Variants in C3orf70 observed in about 807,000 individuals in gnomAD.
The protein encoded by C3orf70 is chromosome 3 open reading frame 70, also known as UPF0524 protein C3orf70.
A neutral mutation model predicts 20.7 loss-of-function variants in C3orf70; 15 were observed. That is an observed-to-expected ratio of 0.72 (90% CI 0.48 to 1.11). C3orf70 has a LOEUF of 1.11. C3orf70 is among the 50% of genes most tolerant of loss of function. The pLI is 0.00. For synonymous variants in C3orf70, 161 were observed against 125.7 expected, an observed-to-expected ratio of 1.28 and a Z score of -1.88; for missense variants, 332 against 317.6, an observed-to-expected ratio of 1.05 and a Z score of -0.34.
chr3:185,107,232 T>C lies in C3orf70; in HGVS notation c.197-23669A>G, dbSNP rs550172947. Among the ~76,000 whole-genome samples the C allele has an allele frequency of 2.0e-5, 3 of 152,318 alleles. No homozygotes were observed. In the South Asian group the frequency reaches 6.2e-4, roughly 32 times the overall value. ...TGGAGTTGGTAAAGCCCCTGAAGTA[T>C]ATCAAAGTAGTTATATCTTGCATTG... On this transcript the variant is annotated intron_variant, in intron 1 of 1. Coordinates refer to ENST00000335012, the MANE Select transcript of C3orf70 (RefSeq NM_001025266.3).
intron 1 of C3orf70, among the ~76,000 whole-genome samples, chr3:185,087,913 A>ATTTTTT (rs10714484): frequency 7.4e-6 from 1 of 134,490 alleles, no homozygotes; most frequent in Non-Finnish European, 1.6e-5. Flanking sequence ...AGTTTTATAC[A>ATTTTTT]TTTTTTTTTT....
chr3:185,152,260 CAACT>C (rs1717001561), intron 1 of C3orf70, among the ~76,000 whole-genome samples: 1 of 152,204 alleles, frequency 6.6e-6, no homozygotes. Flanking sequence ...CAGCTGTCGC[CAACT>C]CAGCTGGCTC....
At chr3:185,126,772 A>G (rs1004305785) in intron 1 of C3orf70, among the ~76,000 whole-genome samples, 4 of 152,194 alleles carry the variant, frequency 2.6e-5, no homozygotes, top group South Asian at 2.1e-4. Context: ...AAACTTACAG[A>G]GCACATGGCC....
chr3:185,126,668 T>C (rs1299442830), intron 1 of C3orf70, among the ~76,000 whole-genome samples: 1 of 152,234 alleles, frequency 6.6e-6, no homozygotes, highest in East Asian at 1.9e-4. Flanking sequence ...TGACATGGGT[T>C]TCTTTGCTTT....
At chr3:185,104,640 C>T (rs764219352) in intron 1 of C3orf70, among the ~76,000 whole-genome samples, 10 of 151,842 alleles carry the variant, frequency 6.6e-5, no homozygotes, top group Non-Finnish European at 1.5e-4. Context: ...GAAAACTATG[C>T]AGCCATAAAA....
chr3:185,119,468 T>C (rs1289357387), intron 1 of C3orf70, among the ~76,000 whole-genome samples: 1 of 151,892 alleles, frequency 6.6e-6, no homozygotes, highest in African/African-American at 2.4e-5. Flanking sequence ...CTGGCCAACA[T>C]GGTGAAACCC....
intron 1 of C3orf70, among the ~76,000 whole-genome samples, chr3:185,151,729 GCACT>G (rs1201681471): frequency 2.6e-5 from 4 of 151,956 alleles, no homozygotes; most frequent in Non-Finnish European, 5.9e-5. Flanking sequence ...TCCTAAATAA[GCACT>G]CCAAAACCCT....
intron 1 of C3orf70, among the ~76,000 whole-genome samples, chr3:185,152,303 C>A (rs1233890571): frequency 6.6e-6 from 1 of 152,184 alleles, no homozygotes; most frequent in East Asian, 1.9e-4. Context: ...ACCGCCTGGA[C>A]GCCTTGGTCA....
intron 1 of C3orf70, among the ~76,000 whole-genome samples, chr3:185,120,141 G>C (rs963184620): frequency 6.6e-6 from 1 of 152,030 alleles, no homozygotes; most frequent in African/African-American, 2.4e-5. Flanking sequence ...ATGGGTAAAG[G>C]GTAACTTCGC....
chr3:185,097,407 T>C (rs1715731179), intron 1 of C3orf70, among the ~76,000 whole-genome samples: 1 of 152,170 alleles, frequency 6.6e-6, no homozygotes, highest in African/African-American at 2.4e-5. Flanking sequence ...ATATCAAAAA[T>C]AACTAAGTGA....
chr3:185,152,862 G>A lies in C3orf70; in HGVS notation c.-39C>T, dbSNP rs778679514. 22 of 1,468,778 alleles carry A rather than the reference G, an allele frequency of 1.5e-5. No homozygotes were observed. The East Asian group carries it at 3.7e-4, about 25-fold the overall frequency. 91.0% of individuals were successfully genotyped at this position (1,468,778 alleles called of 1,614,324 possible). ...GCGCGGAGCCGACACCGGGAGCCCG[G>A]GAGAAGCGACGTCTGGGTGGGCAGG... On this transcript the variant is annotated 5_prime_UTR_variant, in exon 1 of 2. Coordinates refer to ENST00000335012, the MANE Select transcript of C3orf70 (RefSeq NM_001025266.3).
At chr3:185,101,125 T>G (rs1359617732) in intron 1 of C3orf70, among the ~76,000 whole-genome samples, 1 of 152,228 alleles carries the variant, frequency 6.6e-6, no homozygotes, top group South Asian at 2.1e-4. Context: ...CTGGTACCAT[T>G]CCTACTGAAA....
chr3:185,111,875 T>C (rs1055570171), intron 1 of C3orf70, among the ~76,000 whole-genome samples: 5 of 152,220 alleles, frequency 3.3e-5, no homozygotes, highest in Non-Finnish European at 7.3e-5. Flanking sequence ...ATTATATTAT[T>C]TGCCTGACAA....
chr3:185,095,283 T>C (rs950768417), intron 1 of C3orf70, among the ~76,000 whole-genome samples: 34 of 152,274 alleles, frequency 2.2e-4, no homozygotes, highest in African/African-American at 7.7e-4. Context: ...AAAAAATCCA[T>C]TTTGAGAACA....
Position 185,152,693 on chromosome 3 carries a change from CAGAT to C in C3orf70, c.127_130del (p.Ile43ValfsTer18), listed in dbSNP as rs904165342. 6.3e-7 allele frequency: 1 copy of C among 1,594,204 alleles called. No homozygotes were observed. Among genetic ancestry groups the C allele is most frequent in the Non-Finnish European group, 8.5e-7 (1 of 1,170,722 alleles). ...GCACTTGCCATGGCTGTGCGTGGCA[CAGAT>C]AGACAGCCCGTCGCACGGCTGGAAG... On this transcript the variant is annotated frameshift_variant, in exon 1 of 2. Coordinates refer to ENST00000335012, the MANE Select transcript of C3orf70 (RefSeq NM_001025266.3). LOFTEE classifies it high-confidence loss of function.
intron 1 of C3orf70, among the ~76,000 whole-genome samples, chr3:185,096,456 G>A (rs1448466709): frequency 6.6e-6 from 1 of 152,156 alleles, no homozygotes; most frequent in African/African-American, 2.4e-5. Flanking sequence ...GAGAAAAAAG[G>A]GGTCCAGAGT....
At chr3:185,116,236 T>G (rs1026623403) in intron 1 of C3orf70, among the ~76,000 whole-genome samples, 2 of 152,214 alleles carry the variant, frequency 1.3e-5, no homozygotes, top group African/African-American at 4.8e-5. Context: ...AGAATGCTAT[T>G]TATTGGTACC....
intron 1 of C3orf70, among the ~76,000 whole-genome samples, chr3:185,100,764 A>G (rs549892049): frequency 2.9e-5 from 4 of 136,186 alleles, no homozygotes; most frequent in Non-Finnish European, 4.5e-5. Context: ...TGGTTTTTTG[A>G]AAAAAAAAAA....
At position 185,085,851 on chromosome 3, in the gene C3orf70, C is replaced by T. The variant is rs192735157; in HGVS notation, c.197-2288G>A. On this transcript the variant is annotated intron_variant, in intron 1 of 1. Coordinates refer to ENST00000335012, the MANE Select transcript of C3orf70 (RefSeq NM_001025266.3). ...CAATGTATGGGCACGGGATAGAGAA[C>T]GGACTTAGAGAACCTGGGGAACTAC... Among the ~76,000 whole-genome samples the T allele has an allele frequency of 1.8e-4, 27 of 152,254 alleles. No individual in the cohort carries two copies. The East Asian group carries it at 4.2e-3, about 24-fold the overall frequency.
Sources: gnomAD v4.1 joint callset for allele counts (sites outside exome capture counted in the v4.1 genomes callset) on GRCh38, gnomAD v4.1.1 for gene constraint, MANE v1.5 for transcripts, NCBI Gene and HGNC (gene_info 2026-07-23, HGNC 2026-07-21) for gene names.